The following RAB40C variants were observed in gnomAD, a reference collection of about 807,000 sequenced individuals.
RAB40C encodes the protein ras-related protein Rab-40C.
Under a neutral mutation model 28.1 loss-of-function variants are expected in RAB40C, and 8 were observed. The ratio of observed to expected loss-of-function variants is 0.28; its 90% confidence interval spans 0.17 to 0.51. RAB40C has a LOEUF of 0.51. RAB40C is among the 20% of genes least tolerant of loss of function. The probability of loss-of-function intolerance (pLI) is 0.97; values close to 1 mark genes in which losing one functional copy is unlikely to be tolerated. For synonymous variants in RAB40C, 201 were observed against 171.7 expected (o/e 1.17, Z -1.34); for missense variants, 288 against 405.9 (o/e 0.71, Z 2.50).
chr16:590,508 G>T, intron 1 of RAB40C, 75 bp downstream of exon 1: 1 of 1,392,750 alleles, frequency 7.2e-7, no homozygotes, highest in South Asian at 1.6e-5. Context: ...CTCGCCCTCG[G>T]CCCGGCCCTT....
intron 3 of RAB40C, among the ~76,000 whole-genome samples, chr16:620,797 C>T (rs540811969): frequency 8.6e-6 from 1 of 116,756 alleles, no homozygotes; most frequent in Admixed American, 8.3e-5. Flanking sequence ...CCCAGCCCCC[C>T]GCCGACGGGC....
At chr16:602,959 G>T (rs1326620509) in intron 1 of RAB40C, among the ~76,000 whole-genome samples, 2 of 152,154 alleles carry the variant, frequency 1.3e-5, no homozygotes, top group East Asian at 1.9e-4. Context: ...AGAGCTATGG[G>T]ATCTGCTCCT....
intron 1 of RAB40C, among the ~76,000 whole-genome samples, chr16:601,026 A>T (rs1247801527): frequency 6.6e-6 from 1 of 151,956 alleles, no homozygotes; most frequent in Non-Finnish European, 1.5e-5. Flanking sequence ...CTGCATTTAG[A>T]CCCTTAGCCT....
chr16:611,604 C>T (rs1176952479), intron 1 of RAB40C, among the ~76,000 whole-genome samples: 3 of 151,988 alleles, frequency 2.0e-5, no homozygotes, highest in African/African-American at 2.4e-5. Context: ...ACGGGACAGC[C>T]GCCCTGGCCT....
rs1422234277 is a variant in RAB40C, at chr16:625,979, C to A, written c.423C>A (p.Ala141=). 1 of 1,613,054 alleles carries A rather than the reference C, an allele frequency of 6.2e-7. No individual in the cohort carries two copies. The highest frequency in any genetic ancestry group is 8.5e-7 in the Non-Finnish European group (1 of 1,180,002). The part of the protein sequence containing the change: ...AFKRQVPTEQ[A]RAYAEKNCMT... ...AGCGGCAGGTCCCGACGGAGCAGGC[C>A]CGCGCGTACGCAGAGAAGAACTGCA... The change falls in exon 5 of 6, where the codon GCC becomes GCA. Residue 141 remains alanine (A), a synonymous_variant. Transcript: ENST00000248139.
chr16:600,117 C>T (rs1239044511), intron 1 of RAB40C, among the ~76,000 whole-genome samples: 1 of 152,204 alleles, frequency 6.6e-6, no homozygotes, highest in Non-Finnish European at 1.5e-5. Context: ...TGGTTTGGGA[C>T]TCCCATGGCC....
chr16:615,085 G>A (rs564637491), intron 1 of RAB40C, among the ~76,000 whole-genome samples: 8 of 152,368 alleles, frequency 5.3e-5, no homozygotes, highest in East Asian at 1.9e-4. Flanking sequence ...AAATTGGGAC[G>A]TTTGGTTTTC....
intron 2 of RAB40C, 85 bp downstream of exon 2, chr16:617,353 C>A: frequency 1.3e-6 from 2 of 1,518,946 alleles, no homozygotes. Flanking sequence ...AACAGGAAGG[C>A]GTCCTGTTTG....
chr16:622,875 G>A (rs1054860460), intron 3 of RAB40C, among the ~76,000 whole-genome samples: 2 of 152,180 alleles, frequency 1.3e-5, no homozygotes. Context: ...TGTTTGTCCC[G>A]TGCTCTGCCC....
At chr16:616,910 G>T (rs954020382) in intron 1 of RAB40C, 1 of 413,502 alleles carries the variant, frequency 2.4e-6, no homozygotes, top group Non-Finnish European at 4.5e-6. Context: ...CAGGCAAGCC[G>T]TGCCCATGGA....
rs779921292 is a variant in RAB40C, at chr16:628,076, C to G, written c.*454C>G. On this transcript the variant is annotated 3_prime_UTR_variant, in exon 6 of 6. Transcript: ENST00000248139. Reference sequence around the variant, plus strand: ...GAGAGGGGACTCGCGGCCGCGATGGCAAGGCATCCTGTGAATTCATGCGCT... The same window carrying G: ...GAGAGGGGACTCGCGGCCGCGATGGGAAGGCATCCTGTGAATTCATGCGCT... The G allele has an allele frequency of 2.4e-4, 38 of 157,188 alleles. No homozygotes were observed. Among genetic ancestry groups the G allele is most frequent in the Non-Finnish European group, 5.0e-4 (36 of 71,690 alleles). 9.7% of individuals were successfully genotyped at this position (157,188 alleles called of 1,614,324 possible).
In RAB40C at chr16:608,038, C is replaced by T. The variant is rs558714639; in HGVS notation, c.143-9170C>T. 2.6e-4 allele frequency among the ~76,000 whole-genome samples: 39 copies of T among 152,244 alleles called. 1 individual carries two copies. The highest frequency in any genetic ancestry group is 8.9e-4 in the African/African-American group (37 of 41,538). ...TCCACACGTTCCTGGGCAGCCTCCA[C>T]GCCCATGTACTCACCTGTTCTCACG... On this transcript the variant is annotated intron_variant, in intron 1 of 5. Transcript: ENST00000248139.
chr16:600,172 T>C (rs2036219473), intron 1 of RAB40C, among the ~76,000 whole-genome samples: 1 of 152,256 alleles, frequency 6.6e-6, no homozygotes, highest in South Asian at 2.1e-4. Flanking sequence ...CGTCCTGGGC[T>C]ATGCCCTGAG....
intron 1 of RAB40C, among the ~76,000 whole-genome samples, chr16:594,751 A>T (rs1310198165): frequency 1.3e-5 from 2 of 149,946 alleles, no homozygotes; most frequent in East Asian, 3.9e-4. Context: ...GGTGTTGGGC[A>T]CCACTGACCA....
intron 1 of RAB40C, among the ~76,000 whole-genome samples, chr16:596,112 A>G (rs1026853844): frequency 2.0e-5 from 3 of 152,258 alleles, no homozygotes; most frequent in African/African-American, 7.2e-5. Flanking sequence ...TGGCAGGTGC[A>G]CGGCAGTGCC....
chr16:627,488 G>A lies in RAB40C; in HGVS notation c.712G>A (p.Gly238Ser), dbSNP rs759429407. 5 of 1,613,974 alleles carry A rather than the reference G, an allele frequency of 3.1e-6. No homozygotes were observed. Among genetic ancestry groups the A allele is most frequent in the East Asian group, 2.2e-5 (1 of 44,888 alleles). The change falls in exon 6 of 6, where the codon GGC (glycine) becomes AGC (serine). Residue 238 changes from glycine to serine, a missense_variant. Physicochemically the swap from Gly to Ser is moderately conservative, Grantham distance 56. Coordinates refer to ENST00000248139, the MANE Select transcript of RAB40C (RefSeq NM_021168.5). ...ANGMNAVMMH[G>S]RSYSLASGAG... ...CGGCATGAACGCGGTCATGATGCAC[G>A]GCCGTTCCTACTCCCTGGCCAGCGG...
chr16:604,347 A>C (rs942951450), intron 1 of RAB40C, among the ~76,000 whole-genome samples: 1 of 152,230 alleles, frequency 6.6e-6, no homozygotes, highest in Non-Finnish European at 1.5e-5. Flanking sequence ...ACAAATACGC[A>C]CGAGGCCTTC....
chr16:596,529 T>C (rs1385231041), intron 1 of RAB40C: 1 of 338,102 alleles, frequency 3.0e-6, no homozygotes, highest in Non-Finnish European at 5.8e-6. Flanking sequence ...GCGTTTGGAG[T>C]AAGCAGGGAA....
chr16:596,262 A>G, intron 1 of RAB40C: 1 of 455,538 alleles, frequency 2.2e-6, no homozygotes, highest in East Asian at 7.0e-5. Context: ...CGGGAAGGAC[A>G]CAAGGGAGGG....
Sources: allele counts gnomAD v4.1 joint callset (sites outside exome capture counted in the v4.1 genomes callset), GRCh38; gene constraint gnomAD v4.1.1; transcripts MANE v1.5; gene names NCBI Gene and HGNC (gene_info 2026-07-23, HGNC 2026-07-21).